RUNX1: variants seen among roughly 807,000 people sequenced by gnomAD.
The protein encoded by RUNX1 is runt-related transcription factor 1.
In RUNX1, 19 loss-of-function variants were observed where a neutral mutation model predicts 42.8. That is an observed-to-expected ratio of 0.44 (90% confidence interval 0.31 to 0.65). The LOEUF is 0.65. RUNX1 is among the 30% of genes least tolerant of loss of function. The pLI is 0.07. For missense variants in RUNX1, 528 were observed against 672.0 expected, an observed-to-expected ratio of 0.79 and a Z score of 2.37; for synonymous variants, 271 against 289.4, an observed-to-expected ratio of 0.94 and a Z score of 0.64.
chr21:34,890,002 C>T (rs2058060290), intron 3 of RUNX1, among the ~76,000 whole-genome samples: 1 of 152,066 alleles, frequency 6.6e-6, no homozygotes, highest in Non-Finnish European at 1.5e-5. Flanking sequence ...GGGGGTCCCT[C>T]GCCGACCTCA....
intron 7 of RUNX1, among the ~76,000 whole-genome samples, chr21:34,831,369 G>A (rs1444255621): frequency 2.6e-5 from 4 of 152,204 alleles, no homozygotes; most frequent in Non-Finnish European, 5.9e-5. Flanking sequence ...TCTGTACCGT[G>A]CTTCAGATAA....
intron 5 of RUNX1, among the ~76,000 whole-genome samples, chr21:34,877,845 C>A (rs989668542): frequency 6.6e-6 from 1 of 152,186 alleles, no homozygotes; most frequent in Non-Finnish European, 1.5e-5. Flanking sequence ...AGAAAGAGAA[C>A]TTCTTTCTCT....
chr21:34,918,874 C>T (rs1328101730), intron 2 of RUNX1, among the ~76,000 whole-genome samples: 1 of 152,108 alleles, frequency 6.6e-6, no homozygotes, highest in Non-Finnish European at 1.5e-5. Context: ...CCACTGCACT[C>T]TAGCCTGGTG....
At chr21:35,025,330 C>G (rs1322918488) in intron 2 of RUNX1, among the ~76,000 whole-genome samples, 2 of 152,174 alleles carry the variant, frequency 1.3e-5, no homozygotes, top group African/African-American at 4.8e-5. Flanking sequence ...GGCCCCGGCC[C>G]ACTGAAGAAA....
At chr21:34,842,492 CAA>C (rs371971118) in intron 6 of RUNX1, among the ~76,000 whole-genome samples, 2 of 52,216 alleles carry the variant, frequency 3.8e-5, no homozygotes, top group Non-Finnish European at 6.5e-5. Flanking sequence ...GAGACCTCTC[CAA>C]AAAAAAAAAA....
At chr21:34,826,058 AC>A (rs1438655991) in intron 7 of RUNX1, among the ~76,000 whole-genome samples, 1 of 152,214 alleles carries the variant, frequency 6.6e-6, no homozygotes, top group Non-Finnish European at 1.5e-5. Flanking sequence ...GTTTTAAGCC[AC>A]CAAGTTTGTG....
intron 2 of RUNX1, among the ~76,000 whole-genome samples, chr21:34,980,624 C>T (rs1308287300): frequency 3.3e-5 from 5 of 152,048 alleles, no homozygotes; most frequent in Non-Finnish European, 7.3e-5. Context: ...TCTGCTATCC[C>T]GAGGGAAACA....
intron 7 of RUNX1, among the ~76,000 whole-genome samples, chr21:34,811,744 A>C (rs2145956724): frequency 6.6e-6 from 1 of 152,260 alleles, no homozygotes; most frequent in East Asian, 1.9e-4. Context: ...GCCTTGCCCC[A>C]CAACTGGAGA....
chr21:34,925,609 G>A (rs1046753616), intron 2 of RUNX1, among the ~76,000 whole-genome samples: 1 of 152,172 alleles, frequency 6.6e-6, no homozygotes, highest in Non-Finnish European at 1.5e-5. Context: ...CTGTTTCAGA[G>A]GAAGCCCGGC....
At chr21:35,015,994 T>C (rs2059156587) in intron 2 of RUNX1, among the ~76,000 whole-genome samples, 1 of 152,216 alleles carries the variant, frequency 6.6e-6, no homozygotes, top group Admixed American at 6.5e-5. Flanking sequence ...GAGTTTCATT[T>C]CATTATGATA....
In RUNX1 at chr21:34,887,060, G is replaced by A. The variant is rs2146414048; in HGVS notation, c.134C>T (p.Thr45Ile). ...GCTCATCTTGCCTGGGCTCAGCGCGGTGGAAGGCGGCGTGAAGCGGCGGCT... is the reference window on the plus strand; with the variant it reads ...GCTCATCTTGCCTGGGCTCAGCGCGATGGAAGGCGGCGTGAAGCGGCGGCT... Reference protein sequence around the residue: ...STSRRFTPPSTALSPGKMSEA... With the variant: ...STSRRFTPPSIALSPGKMSEA... The change falls in exon 4 of 9, where the codon ACC becomes ATC. Residue 45 changes from threonine to isoleucine, a missense_variant. Physicochemically the swap from Thr to Ile is moderately conservative, Grantham distance 89. Coordinates refer to ENST00000675419, the MANE Select transcript of RUNX1 (RefSeq NM_001754.5). The A allele has an allele frequency of 6.2e-7, 1 of 1,600,010 alleles. No homozygotes were observed. Among genetic ancestry groups the A allele is most frequent in the Non-Finnish European group, 8.5e-7 (1 of 1,179,902 alleles).
intron 2 of RUNX1, among the ~76,000 whole-genome samples, chr21:35,000,500 A>C (rs187244292): frequency 7.2e-4 from 109 of 152,200 alleles, no homozygotes; most frequent in Non-Finnish European, 1.2e-3. Flanking sequence ...TCGGCCTCCC[A>C]AAGTGCTGGG....
chr21:34,950,542 C>T (rs2146666916), intron 2 of RUNX1, among the ~76,000 whole-genome samples: 1 of 152,292 alleles, frequency 6.6e-6, no homozygotes, highest in South Asian at 2.1e-4. Context: ...AGTTCAAGAC[C>T]AGCCCGGCCA....
intron 2 of RUNX1, among the ~76,000 whole-genome samples, chr21:34,941,223 G>A (rs142626142): frequency 1.9e-4 from 29 of 152,280 alleles, no homozygotes; most frequent in African/African-American, 6.7e-4. Context: ...TAGCCTCTGT[G>A]CCTCCAGGGT....
At chr21:35,047,561 A>ACTCTCTCTCT (rs55862184) in intron 2 of RUNX1, among the ~76,000 whole-genome samples, 11 of 46,812 alleles carry the variant, frequency 2.3e-4, no homozygotes, top group African/African-American at 5.1e-4. Flanking sequence ...ACACACACAC[A>ACTCTCTCTCT]CTCTCTCTCT....
intron 2 of RUNX1, among the ~76,000 whole-genome samples, chr21:34,978,095 G>C (rs1411790953): frequency 6.6e-6 from 1 of 152,092 alleles, no homozygotes; most frequent in Non-Finnish European, 1.5e-5. Flanking sequence ...GTGCCACCAT[G>C]CCCGGCTAAT....
intron 2 of RUNX1, among the ~76,000 whole-genome samples, chr21:35,016,636 A>C (rs2059160943): frequency 6.6e-6 from 1 of 152,086 alleles, no homozygotes; most frequent in South Asian, 2.1e-4. Context: ...GAACAGCCTT[A>C]ATCTGTCCTG....
At chr21:35,026,841 G>C (rs1281595179) in intron 2 of RUNX1, among the ~76,000 whole-genome samples, 1 of 152,250 alleles carries the variant, frequency 6.6e-6, no homozygotes, top group Non-Finnish European at 1.5e-5. Flanking sequence ...CAGCTCTGGT[G>C]CGCAGCGCGC....
At chr21:35,039,725 G>T (rs1341824060) in intron 2 of RUNX1, among the ~76,000 whole-genome samples, 2 of 152,194 alleles carry the variant, frequency 1.3e-5, no homozygotes, top group African/African-American at 4.8e-5. Context: ...GATATGGAAT[G>T]ATTGACAGTT....
Sources: allele counts gnomAD v4.1 joint callset (sites outside exome capture counted in the v4.1 genomes callset), GRCh38; gene constraint gnomAD v4.1.1; transcripts MANE v1.5; gene names NCBI Gene and HGNC (gene_info 2026-07-23, HGNC 2026-07-21).